The following BST1 variants were observed in gnomAD, a reference collection of about 807,000 sequenced individuals.
BST1 encodes bone marrow stromal cell antigen 1.
Under a neutral mutation model 40.6 loss-of-function variants are expected in BST1, and 49 were observed. The observed-to-expected ratio is 1.21, with a 90% CI of 0.96 to 1.53. The LOEUF is 1.53. BST1 is among the 40% of genes most tolerant of loss of function. The probability of loss-of-function intolerance (pLI) is 0.00; values close to 1 mark genes in which losing one functional copy is unlikely to be tolerated. For missense variants in BST1, 423 were observed against 395.9 expected (o/e 1.07, Z -0.58); for synonymous variants, 157 against 159.3 (o/e 0.99, Z 0.11).
intron 7 of BST1, among the ~76,000 whole-genome samples, chr4:15,720,970 C>G (rs906577711): frequency 6.6e-6 from 1 of 152,214 alleles, no homozygotes; most frequent in Non-Finnish European, 1.5e-5. Context: ...CCCAGGTCTC[C>G]TTGCCCCTCA....
At chr4:15,711,929 G>A in intron 4 of BST1, 40 bp downstream of exon 4, 2 of 1,555,826 alleles carry the variant, frequency 1.3e-6, no homozygotes, top group East Asian at 2.2e-5. Flanking sequence ...AGCATGTGTG[G>A]GACCCATAGA....
the BST1 span, among the ~76,000 whole-genome samples, chr4:15,747,958 T>A: frequency 1.4e-4 from 22 of 152,366 alleles, no homozygotes; most frequent in East Asian, 4.0e-3. Flanking sequence ...ATTACAGGCA[T>A]GAGCCACTGT....
At chr4:15,753,866 G>A in the BST1 span, among the ~76,000 whole-genome samples, 7 of 152,196 alleles carry the variant, frequency 4.6e-5, no homozygotes, top group African/African-American at 7.2e-5. Flanking sequence ...ATGGGAATCC[G>A]GAAGGAGAGA....
At chr4:15,766,327 G>C in the BST1 span, among the ~76,000 whole-genome samples, 1 of 151,940 alleles carries the variant, frequency 6.6e-6, no homozygotes, top group Non-Finnish European at 1.5e-5. Context: ...ACTGGATGAG[G>C]GAGGTGGGGC....
At chr4:15,767,550 G>T in the BST1 span, among the ~76,000 whole-genome samples, 1 of 150,936 alleles carries the variant, frequency 6.6e-6, no homozygotes, top group Non-Finnish European at 1.5e-5. Context: ...TGATCTGCCC[G>T]TTTCGGCTTT....
downstream of BST1, among the ~76,000 whole-genome samples, chr4:15,736,790 T>C (rs1721583733): frequency 6.6e-6 from 1 of 152,170 alleles, no homozygotes; most frequent in Admixed American, 6.5e-5. Flanking sequence ...CCTTACTTAG[T>C]TCCAGATCCA....
chr4:15,742,354 A>G (rs1721768057), downstream of BST1, among the ~76,000 whole-genome samples: 3 of 152,100 alleles, frequency 2.0e-5, no homozygotes, highest in Admixed American at 6.6e-5. Context: ...TGTTAAAAAG[A>G]GCCTGGCACC....
At chr4:15,753,291 T>G in the BST1 span, among the ~76,000 whole-genome samples, 1 of 152,178 alleles carries the variant, frequency 6.6e-6, no homozygotes, top group African/African-American at 2.4e-5. Flanking sequence ...ATGTCAGAGC[T>G]GATAGCATGG....
chr4:15,715,454 C>G, intron 5 of BST1, 93 bp downstream of exon 5: 2 of 1,293,180 alleles, frequency 1.5e-6, no homozygotes, highest in Non-Finnish European at 2.2e-6. Context: ...ATCCTAGTCC[C>G]CATCTCATGC....
the BST1 span, among the ~76,000 whole-genome samples, chr4:15,761,858 A>G: frequency 6.6e-6 from 1 of 151,982 alleles, no homozygotes; most frequent in African/African-American, 2.4e-5. Flanking sequence ...CTTTTGTTAC[A>G]TGATTTTCGT....
At chr4:15,713,575 A>T (rs943340476) in intron 4 of BST1, among the ~76,000 whole-genome samples, 2 of 152,188 alleles carry the variant, frequency 1.3e-5, no homozygotes, top group African/African-American at 4.8e-5. Context: ...AGAGGTCAAG[A>T]AGCTTTACCA....
intron 6 of BST1, among the ~76,000 whole-genome samples, chr4:15,716,619 T>A (rs1403562553): frequency 6.6e-6 from 1 of 152,244 alleles, no homozygotes; most frequent in Admixed American, 6.5e-5. Context: ...TCCCGTCTCT[T>A]AGGCAATAGA....
the BST1 span, among the ~76,000 whole-genome samples, chr4:15,753,469 C>T: frequency 1.5e-4 from 23 of 152,312 alleles, no homozygotes; most frequent in East Asian, 2.5e-3. Context: ...CTCACGATCG[C>T]GCCAGTGGGT....
chr4:15,752,825 C>CT, the BST1 span, among the ~76,000 whole-genome samples: 9 of 152,122 alleles, frequency 5.9e-5, no homozygotes, highest in East Asian at 5.8e-4. Context: ...ATTTCACTGG[C>CT]TTTTTTTGGA....
intron 6 of BST1, among the ~76,000 whole-genome samples, chr4:15,716,895 C>T (rs994579286): frequency 1.6e-4 from 24 of 152,130 alleles, no homozygotes; most frequent in African/African-American, 5.6e-4. Flanking sequence ...CTTGACTCAA[C>T]CTCCCGAGTA....
the BST1 span, among the ~76,000 whole-genome samples, chr4:15,770,790 G>T: frequency 2.4e-4 from 36 of 152,174 alleles, no homozygotes; most frequent in African/African-American, 8.7e-4. Context: ...ATGCTTATTT[G>T]TTGACTACTT....
chr4:15,739,855 G>A (rs1480723810), downstream of BST1, among the ~76,000 whole-genome samples: 1 of 151,940 alleles, frequency 6.6e-6, no homozygotes, highest in Non-Finnish European at 1.5e-5. Flanking sequence ...TTTGGTGGTA[G>A]GAGGGGGAAG....
At chr4:15,713,311 G>A (rs562897031) in intron 4 of BST1, among the ~76,000 whole-genome samples, 115 of 139,004 alleles carry the variant, frequency 8.3e-4, no homozygotes, top group Middle Eastern at 4.5e-3. Flanking sequence ...TCAGCCTCCC[G>A]AGTAGCTGGG....
intron 8 of BST1, chr4:15,731,012 G>A (rs1452418325): frequency 5.0e-6 from 3 of 603,326 alleles, no homozygotes; most frequent in South Asian, 3.5e-5. Context: ...TATAAGGCCC[G>A]GACATTCTGC....
Sources: allele counts gnomAD v4.1 joint callset (sites outside exome capture counted in the v4.1 genomes callset), GRCh38; gene constraint gnomAD v4.1.1; transcripts MANE v1.5; gene names NCBI Gene and HGNC (gene_info 2026-07-23, HGNC 2026-07-21).